SNTG1: variants seen among roughly 807,000 people sequenced by gnomAD.
SNTG1 encodes the protein gamma-1-syntrophin.
A neutral mutation model predicts 74.7 loss-of-function variants in SNTG1; 39 were observed. The ratio of observed to expected loss-of-function variants is 0.52; its 90% CI spans 0.40 to 0.68. The LOEUF is 0.68. Among genes scored for constraint, SNTG1 ranks in the 30% least tolerant of loss-of-function variants. The pLI, the probability that SNTG1 is intolerant of heterozygous loss-of-function variation, is 0.00. For synonymous variants in SNTG1, 254 were observed against 217.1 expected (o/e 1.17, Z -1.49); for missense variants, 685 against 609.5 (o/e 1.12, Z -1.30).
chr8:50,744,798 A>G (rs1466533894), intron 17 of SNTG1, among the ~76,000 whole-genome samples: 1 of 151,996 alleles, frequency 6.6e-6, no homozygotes, highest in Non-Finnish European at 1.5e-5. Flanking sequence ...CAATGAGGAA[A>G]GAGCAGTGTT....
At chr8:50,335,793 G>T (rs1314265046) in intron 2 of SNTG1, among the ~76,000 whole-genome samples, 1 of 147,770 alleles carries the variant, frequency 6.8e-6, no homozygotes, top group Non-Finnish European at 1.5e-5. Context: ...CATAGCCACT[G>T]CCAATTCTAT....
At position 50,004,241 on chromosome 8, in the gene SNTG1, C is replaced by T. The variant is rs541813590; in HGVS notation, c.-103+92010C>T. 3.3e-5 allele frequency among the ~76,000 whole-genome samples: 5 copies of T among 152,274 alleles called. No individual in the cohort carries two copies. In the South Asian group the frequency reaches 1.0e-3, roughly 32 times the overall value. On this transcript the variant is annotated intron_variant, in intron 1 of 18. Transcript: ENST00000642720. ...AACTACTTAAATTCCATCCTCTCTT[C>T]CGGCCCAGGGATGTTTAACATACAT...
At chr8:50,663,570 G>A (rs981595099) in intron 15 of SNTG1, among the ~76,000 whole-genome samples, 19 of 152,030 alleles carry the variant, frequency 1.2e-4, no homozygotes, top group African/African-American at 4.6e-4. Flanking sequence ...GACTCGTTTT[G>A]CTCTGATTCT....
chr8:50,397,877 ATGGTTGCGTTAAT>A (rs1167552462), intron 3 of SNTG1, among the ~76,000 whole-genome samples: 1 of 152,198 alleles, frequency 6.6e-6, no homozygotes, highest in Non-Finnish European at 1.5e-5. Context: ...GTAAAGGCAG[ATGGTTGCGTTAAT>A]TTTTGTTAAG....
chr8:50,255,108 T>C (rs1315343241), intron 2 of SNTG1, among the ~76,000 whole-genome samples: 1 of 152,074 alleles, frequency 6.6e-6, no homozygotes, highest in Non-Finnish European at 1.5e-5. Context: ...TCCTTTTTAA[T>C]TGACCTTTTT....
At chr8:50,538,333 C>T (rs2094322019) in intron 11 of SNTG1, among the ~76,000 whole-genome samples, 1 of 152,004 alleles carries the variant, frequency 6.6e-6, no homozygotes, top group Non-Finnish European at 1.5e-5. Context: ...TATACTTAAC[C>T]CAAAGTATAC....
intron 8 of SNTG1, among the ~76,000 whole-genome samples, chr8:50,501,425 G>GTTTTTT (rs59123896): frequency 3.5e-5 from 2 of 57,098 alleles, no homozygotes; most frequent in African/African-American, 2.0e-4. Flanking sequence ...GAGCCTGTGC[G>GTTTTTT]TTTTTTTTTT....
chr8:50,305,341 TA>T (rs1238031701), intron 2 of SNTG1, among the ~76,000 whole-genome samples: 1 of 152,180 alleles, frequency 6.6e-6, no homozygotes, highest in Admixed American at 6.5e-5. Flanking sequence ...GCTCGGGTGA[TA>T]AAACAGTTTT....
chr8:50,154,786 G>T (rs2082199795), intron 1 of SNTG1, among the ~76,000 whole-genome samples: 1 of 152,262 alleles, frequency 6.6e-6, no homozygotes, highest in Middle Eastern at 3.4e-3. Context: ...GCCATCGATT[G>T]GAAGTGACCA....
chr8:50,576,118 C>T (rs1211914958), intron 12 of SNTG1, among the ~76,000 whole-genome samples: 1 of 152,120 alleles, frequency 6.6e-6, no homozygotes, highest in African/African-American at 2.4e-5. Flanking sequence ...TGTTTTACAG[C>T]TTTATGTCTT....
intron 15 of SNTG1, among the ~76,000 whole-genome samples, chr8:50,670,273 G>A (rs1421894050): frequency 1.3e-5 from 2 of 152,044 alleles, no homozygotes; most frequent in Non-Finnish European, 2.9e-5. Flanking sequence ...CAGATGACAT[G>A]ATTGTATATC....
intron 2 of SNTG1, among the ~76,000 whole-genome samples, chr8:50,273,194 GTTATA>G (rs1270963081): frequency 1.3e-5 from 2 of 152,134 alleles, no homozygotes. Flanking sequence ...ATCTTAGGAT[GTTATA>G]TTATAAGGGC....
intron 9 of SNTG1, among the ~76,000 whole-genome samples, chr8:50,509,584 T>C (rs945089562): frequency 3.3e-5 from 5 of 152,106 alleles, no homozygotes; most frequent in African/African-American, 1.2e-4. Context: ...TATCCTCTTG[T>C]ATTTCATTGA....
intron 2 of SNTG1, among the ~76,000 whole-genome samples, chr8:50,354,576 GTCTCTTCTGTTAT>G (rs1469807995): frequency 6.6e-6 from 1 of 152,076 alleles, no homozygotes; most frequent in Admixed American, 6.6e-5. Context: ...TGACATTATT[GTCTCTTCTGTTAT>G]ATTAGTTTTT....
intron 18 of SNTG1, among the ~76,000 whole-genome samples, chr8:50,780,783 T>C (rs1372288353): frequency 1.3e-5 from 2 of 152,212 alleles, no homozygotes; most frequent in Non-Finnish European, 2.9e-5. Flanking sequence ...CTAGTTCTTT[T>C]AATTGTGATG....
At position 50,264,742 on chromosome 8, in the gene SNTG1, T is replaced by C. The variant is rs1161615690; in HGVS notation, c.-28+92107T>C. ...TACTTTGAAAACACCTGCGAAATTA[T>C]AAAACATTTAAATAGAGAGAAGACT... On this transcript the variant is annotated intron_variant, in intron 2 of 18. Transcript: ENST00000642720. Among the ~76,000 whole-genome samples the C allele has an allele frequency of 5.3e-5, 8 of 151,832 alleles. No individual in the cohort carries two copies. In the East Asian group the frequency reaches 1.4e-3, roughly 26 times the overall value.
At chr8:50,704,884 T>C in intron 16 of SNTG1, 132 bp downstream of exon 16, 14 of 1,049,768 alleles carry the variant, frequency 1.3e-5, no homozygotes, top group Non-Finnish European at 1.9e-5. Flanking sequence ...CATTCTATAA[T>C]TAGCCATTTT....
At chr8:50,474,762 A>G (rs1163055209) in intron 8 of SNTG1, among the ~76,000 whole-genome samples, 1 of 152,156 alleles carries the variant, frequency 6.6e-6, no homozygotes, top group Non-Finnish European at 1.5e-5. Flanking sequence ...ATGCTGCTAT[A>G]AAGACACATG....
rs770594225 is a variant in SNTG1 at position 50,530,276 on chromosome 8, A to G, written c.549+17A>G. On this transcript the variant is annotated intron_variant, in intron 10 of 18. Coordinates refer to ENST00000642720, the MANE Select transcript of SNTG1 (RefSeq NM_018967.5). ...AACAATACAGTAAGATGACCCAGGC[A>G]TAGCTCAGATTAATAAGGAGATAAC... 62 of 1,610,430 alleles carry G rather than the reference A, an allele frequency of 3.8e-5. No homozygotes were observed. The South Asian group carries it at 5.5e-4, about 14-fold the overall frequency.
Sources: gnomAD v4.1 joint callset for allele counts (sites outside exome capture counted in the v4.1 genomes callset) on GRCh38, gnomAD v4.1.1 for gene constraint, MANE v1.5 for transcripts, NCBI Gene and HGNC (gene_info 2026-07-23, HGNC 2026-07-21) for gene names.